The following PAX7 variants were observed in gnomAD, a reference collection of about 807,000 sequenced individuals.
PAX7 encodes the protein paired box protein Pax-7.
A neutral mutation model predicts 50.7 loss-of-function variants in PAX7; 18 were observed. The ratio of observed to expected loss-of-function variants is 0.36; its 90% CI spans 0.25 to 0.53. The LOEUF is 0.53. PAX7 is among the 20% of genes least tolerant of loss of function. PAX7 has a pLI of 0.93. For synonymous variants in PAX7, 310 were observed against 290.4 expected, an observed-to-expected ratio of 1.07 and a Z score of -0.69; for missense variants, 644 against 702.9, an observed-to-expected ratio of 0.92 and a Z score of 0.95.
intron 4 of PAX7, among the ~76,000 whole-genome samples, chr1:18,659,813 C>G (rs2088574381): frequency 6.6e-6 from 1 of 152,118 alleles, no homozygotes; most frequent in Non-Finnish European, 1.5e-5. Flanking sequence ...CTCACCCTAC[C>G]CCCTGGCGTG....
Position 18,725,742 on chromosome 1 carries a change from G to A in PAX7, c.1156-9890G>A, listed in dbSNP as rs1221632107. 1.3e-4 allele frequency among the ~76,000 whole-genome samples: 20 copies of A among 151,994 alleles called. 1 individual carries two copies. The highest frequency in any genetic ancestry group is 6.2e-4 in the South Asian group (3 of 4,812). On this transcript the variant is annotated intron_variant, in intron 7 of 8. Coordinates refer to ENST00000420770, the MANE Select transcript of PAX7 (RefSeq NM_001135254.2). ...CCGAGCAGAGTCACTCTAATCCCTC[G>A]TCCACCATTTATCGAGCCATCAGAG...
At chr1:18,743,191 T>G (rs1931243132) in intron 8 of PAX7, among the ~76,000 whole-genome samples, 1 of 152,244 alleles carries the variant, frequency 6.6e-6, no homozygotes, top group African/African-American at 2.4e-5. Context: ...TAACAGCTCC[T>G]CAGATAGCTG....
At chr1:18,697,365 C>A (rs1039322902) in intron 5 of PAX7, among the ~76,000 whole-genome samples, 19 of 152,292 alleles carry the variant, frequency 1.2e-4, no homozygotes, top group Admixed American at 9.8e-4. Flanking sequence ...GCAGCTCATA[C>A]GAGACGCTGG....
intron 4 of PAX7, among the ~76,000 whole-genome samples, chr1:18,688,575 C>G (rs11261049): frequency 0.031 from 4,777 of 152,330 alleles, 216 homozygotes; most frequent in East Asian, 0.21. Flanking sequence ...TTGGACAGCA[C>G]TGCTCTAGAA....
chr1:18,647,364 T>G (rs2088362154), intron 4 of PAX7, among the ~76,000 whole-genome samples: 1 of 152,024 alleles, frequency 6.6e-6, no homozygotes, highest in Non-Finnish European at 1.5e-5. Flanking sequence ...GGCTCTCTAG[T>G]CCTCCTCTGT....
intron 4 of PAX7, among the ~76,000 whole-genome samples, chr1:18,640,248 A>G (rs1321191718): frequency 1.3e-5 from 2 of 152,212 alleles, no homozygotes; most frequent in African/African-American, 2.4e-5. Flanking sequence ...GAGGTGGGAA[A>G]CAATTTAATT....
At chr1:18,667,567 T>C (rs2088689195) in intron 4 of PAX7, among the ~76,000 whole-genome samples, 2 of 152,026 alleles carry the variant, frequency 1.3e-5, no homozygotes, top group South Asian at 2.1e-4. Context: ...AGAAGGTAGA[T>C]AGTGGAGGAT....
At chr1:18,673,497 A>G (rs1040786975) in intron 4 of PAX7, among the ~76,000 whole-genome samples, 1 of 152,210 alleles carries the variant, frequency 6.6e-6, no homozygotes, top group Non-Finnish European at 1.5e-5. Flanking sequence ...TAACTAACCT[A>G]TGGTTGGCCA....
chr1:18,681,475 T>A (rs932475214), intron 4 of PAX7, among the ~76,000 whole-genome samples: 2 of 152,182 alleles, frequency 1.3e-5, no homozygotes, highest in South Asian at 4.1e-4. Context: ...TACAGGGCTC[T>A]GAATTCTGTC....
intron 8 of PAX7, among the ~76,000 whole-genome samples, chr1:18,743,308 C>T (rs549449464): frequency 3.9e-4 from 60 of 152,326 alleles, no homozygotes; most frequent in Middle Eastern, 3.4e-3. Context: ...TTTGAACCTC[C>T]GTCATTTGAA....
chr1:18,636,222 C>A lies in PAX7; in HGVS notation c.452-15C>A, dbSNP rs750444833. 6.2e-7 allele frequency: 1 copy of A among 1,613,176 alleles called. No homozygotes were observed. The highest frequency in any genetic ancestry group is 8.5e-7 in the Non-Finnish European group (1 of 1,179,422). On this transcript the variant is annotated splice_polypyrimidine_tract_variant and intron_variant, in intron 3 of 8. Coordinates refer to ENST00000420770, the MANE Select transcript of PAX7 (RefSeq NM_001135254.2). The surrounding 1 kb of genome is among the most constrained non-coding windows in gnomAD (Gnocchi z 5.1). ...CAACAACTTATACTTGCTCTTTTGCCTTTGAATTTCTGAGGTTTAGTGAGT... is the reference window on the plus strand; with the variant it reads ...CAACAACTTATACTTGCTCTTTTGCATTTGAATTTCTGAGGTTTAGTGAGT...
At chr1:18,635,511 T>TAGGAAGTAAGGAAGGAAGGA (rs2088137898) in intron 3 of PAX7, among the ~76,000 whole-genome samples, 1 of 134,428 alleles carries the variant, frequency 7.4e-6, no homozygotes, top group African/African-American at 2.9e-5. Context: ...GGAAGGAAGG[T>TAGGAAGTAAGGAAGGAAGGA]AGGAAGGAAG....
At chr1:18,724,803 A>G (rs370158937) in intron 7 of PAX7, among the ~76,000 whole-genome samples, 1 of 152,216 alleles carries the variant, frequency 6.6e-6, no homozygotes, top group Non-Finnish European at 1.5e-5. Context: ...TATTTCATTG[A>G]ATCTAAGACA....
At chr1:18,736,756 A>C (rs1164807914) in intron 8 of PAX7, among the ~76,000 whole-genome samples, 1 of 152,266 alleles carries the variant, frequency 6.6e-6, no homozygotes, top group Non-Finnish European at 1.5e-5. Flanking sequence ...AAGTGTTCCA[A>C]ATTGTAAGTT....
At chr1:18,668,727 A>G (rs1334436043) in intron 4 of PAX7, among the ~76,000 whole-genome samples, 1 of 152,178 alleles carries the variant, frequency 6.6e-6, no homozygotes, top group South Asian at 2.1e-4. Context: ...TGACATAACA[A>G]TAATAATAAC....
At chr1:18,713,558 G>A (rs2089381254) in intron 7 of PAX7, among the ~76,000 whole-genome samples, 1 of 152,160 alleles carries the variant, frequency 6.6e-6, no homozygotes, top group African/African-American at 2.4e-5. Context: ...CCACTTAACA[G>A]CCTAGAGGGA....
At chr1:18,707,468 G>A (rs994243897) in intron 7 of PAX7, among the ~76,000 whole-genome samples, 4 of 134,394 alleles carry the variant, frequency 3.0e-5, no homozygotes, top group Admixed American at 8.5e-5. Context: ...TACCCAGGCT[G>A]GAGTGCAGTG....
chr1:18,666,649 G>A (rs986837932), intron 4 of PAX7, among the ~76,000 whole-genome samples: 12 of 152,316 alleles, frequency 7.9e-5, no homozygotes, highest in Admixed American at 7.2e-4. Flanking sequence ...GGGGCCTGGA[G>A]GGTGACTGAG....
intron 7 of PAX7, among the ~76,000 whole-genome samples, chr1:18,727,727 C>T (rs1051373089): frequency 3.3e-5 from 5 of 152,108 alleles, no homozygotes; most frequent in African/African-American, 9.7e-5. Context: ...TGGAGGGCTT[C>T]GAGGGTGACA....
Sources: allele counts gnomAD v4.1 joint callset (sites outside exome capture counted in the v4.1 genomes callset), GRCh38; gene constraint gnomAD v4.1.1; non-coding constraint Gnocchi (gnomAD v3.1); transcripts MANE v1.5; gene names NCBI Gene and HGNC (gene_info 2026-07-23, HGNC 2026-07-21).